The following LDLRAD4 variants were observed in gnomAD, a reference collection of about 807,000 sequenced individuals.
The protein encoded by LDLRAD4 is low density lipoprotein receptor class A domain containing 4.
LDLRAD4 carries 5 observed loss-of-function variants against 17.0 expected under a neutral mutation model. That is an observed-to-expected ratio of 0.29 (90% CI 0.15 to 0.62). The LOEUF is 0.62. LDLRAD4 is among the 20% of genes least tolerant of loss of function. The pLI is 0.84. For synonymous variants in LDLRAD4, 168 were observed against 171.8 expected, an observed-to-expected ratio of 0.98 and a Z score of 0.17; for missense variants, 340 against 424.7, an observed-to-expected ratio of 0.80 and a Z score of 1.75.
chr18:13,452,957 C>T (rs2091922922), intron 3 of LDLRAD4, among the ~76,000 whole-genome samples: 1 of 151,940 alleles, frequency 6.6e-6, no homozygotes, highest in African/African-American at 2.4e-5. Context: ...GGGGATGCTA[C>T]ATGGAATGCT....
chr18:13,552,964 T>C (rs775822897), intron 3 of LDLRAD4, among the ~76,000 whole-genome samples: 4 of 152,244 alleles, frequency 2.6e-5, no homozygotes, highest in South Asian at 4.1e-4. Context: ...TTCATTTACT[T>C]CCTTTATGAT....
Position 13,449,103 on chromosome 18 carries a change from A to T in LDLRAD4, c.181+10719A>T, listed in dbSNP as rs571201729. On this transcript the variant is annotated intron_variant, in intron 3 of 5. Transcript: ENST00000359446. ...AGAAAACAGAGATCAAAGATAAAAA[A>T]TATTTTCAAAGTAGACAATCACTGG... 2.1e-4 allele frequency among the ~76,000 whole-genome samples: 32 copies of T among 152,368 alleles called. No homozygotes were observed. The South Asian group carries it at 2.3e-3, about 11-fold the overall frequency.
At chr18:13,416,875 C>T (rs1372265705) in intron 2 of LDLRAD4, among the ~76,000 whole-genome samples, 1 of 152,164 alleles carries the variant, frequency 6.6e-6, no homozygotes, top group Admixed American at 6.5e-5. Flanking sequence ...ACTCTCTGTG[C>T]CACACTATTC....
chr18:13,631,003 G>A (rs2041613884), intron 4 of LDLRAD4, among the ~76,000 whole-genome samples: 1 of 152,336 alleles, frequency 6.6e-6, no homozygotes, highest in South Asian at 2.1e-4. Flanking sequence ...CTCTGTGTGT[G>A]TGTGGAAAGG....
At chr18:13,421,772 C>T (rs1195959962) in intron 2 of LDLRAD4, among the ~76,000 whole-genome samples, 2 of 152,200 alleles carry the variant, frequency 1.3e-5, no homozygotes, top group East Asian at 3.9e-4. Context: ...TTAGAGGAGG[C>T]AGAAATACAG....
intron 3 of LDLRAD4, among the ~76,000 whole-genome samples, chr18:13,544,723 C>T (rs946546250): frequency 2.0e-5 from 3 of 152,132 alleles, no homozygotes; most frequent in African/African-American, 4.8e-5. Flanking sequence ...TCCGAACACA[C>T]CCGTCACCTT....
At chr18:13,411,616 C>A (rs982961458) in intron 2 of LDLRAD4, among the ~76,000 whole-genome samples, 13 of 152,182 alleles carry the variant, frequency 8.5e-5, no homozygotes, top group African/African-American at 2.9e-4. Flanking sequence ...CCCCTGCACA[C>A]GCTCTCTTGC....
chr18:13,253,687 G>T lies in LDLRAD4; in HGVS notation c.-466-24418G>T, dbSNP rs573057138. Among the ~76,000 whole-genome samples, 5 of 152,220 alleles carry T rather than the reference G, an allele frequency of 3.3e-5. No homozygotes were observed. In the South Asian group the frequency reaches 8.3e-4, roughly 25 times the overall value. On this transcript the variant is annotated intron_variant, in intron 1 of 5. Transcript: ENST00000399848. ...AGTGGAATTCGGAATAATTTTTTTT[G>T]ATATTCTCTTAAAGGCACAATGATC...
chr18:13,540,033 A>T (rs1193723317), intron 3 of LDLRAD4, among the ~76,000 whole-genome samples: 2 of 152,166 alleles, frequency 1.3e-5, no homozygotes, highest in Non-Finnish European at 2.9e-5. Context: ...AGCCAGGGTC[A>T]CCCGCATGCC....
chr18:13,387,666 C>A (rs377305772), exon 2 of LDLRAD4: 33 of 1,538,096 alleles, frequency 2.1e-5, no homozygotes, highest in Non-Finnish European at 2.9e-5. Context: ...CCTCGCCCGG[C>A]GGCTTCCTCG....
rs2084333373 is a variant in LDLRAD4, at chr18:13,369,907, G to A, written c.-382-17434G>A. ...GCAACTGGAAGGGTAATTCAGCCCC[G>A]CCCTGCAGCCTGACCACGCCTGCCA... On this transcript the variant is annotated intron_variant, in intron 1 of 5. Transcript: ENST00000359446. Among the ~76,000 whole-genome samples, 6 of 152,314 alleles carry A rather than the reference G, an allele frequency of 3.9e-5. No individual in the cohort carries two copies. The South Asian group carries it at 8.3e-4, about 21-fold the overall frequency.
intron 1 of LDLRAD4, among the ~76,000 whole-genome samples, chr18:13,379,966 G>GCCCCTGCCCACCAGC (rs1555667464): frequency 8.2e-5 from 12 of 145,604 alleles, no homozygotes; most frequent in Non-Finnish European, 1.4e-4. Flanking sequence ...GCAGAGGCCT[G>GCCCCTGCCCACCAGC]CCCCTGCCCG....
At chr18:13,632,675 C>G (rs879511491) in intron 4 of LDLRAD4, among the ~76,000 whole-genome samples, 4 of 152,220 alleles carry the variant, frequency 2.6e-5, no homozygotes, top group Non-Finnish European at 5.9e-5. Flanking sequence ...AGTGGAGGGG[C>G]ATGTTTCAGC....
In LDLRAD4 at chr18:13,645,620, T is replaced by C. The variant is rs1002609298; in HGVS notation, c.884T>C (p.Ile295Thr). 1.3e-6 allele frequency: 2 copies of C among 1,523,052 alleles called. No homozygotes were observed. The highest frequency in any genetic ancestry group is 1.8e-6 in the Non-Finnish European group (2 of 1,135,576). The allele number at this position is 1,523,052 out of a possible 1,614,324, so 94.3% of individuals were successfully genotyped here. ...AATGCAGAGAGCACAATAGTACCCA[T>C]CAAAGGCAAAGATAGGAAGCCTGGG... Residue 295 changes from isoleucine to threonine, a missense_variant, in exon 6 of 6, where the codon ATC (isoleucine) becomes ACC (threonine). Physicochemically the swap from Ile to Thr is moderately conservative, Grantham distance 89. Transcript: ENST00000359446. The surrounding 1 kb of genome is among the most constrained non-coding windows in gnomAD (Gnocchi z 5.7).
chr18:13,408,906 ATACAG>A (rs1268216377), intron 2 of LDLRAD4, among the ~76,000 whole-genome samples: 1 of 151,672 alleles, frequency 6.6e-6, no homozygotes, highest in African/African-American at 2.4e-5. Context: ...TGTAAATCCC[ATACAG>A]TGAATATGGG....
chr18:13,549,520 A>G (rs995668992), intron 3 of LDLRAD4, among the ~76,000 whole-genome samples: 2 of 151,942 alleles, frequency 1.3e-5, no homozygotes, highest in African/African-American at 2.4e-5. Flanking sequence ...AGGCATTTTA[A>G]TGGGAGAACA....
At chr18:13,532,270 G>T (rs1472856635) in intron 3 of LDLRAD4, among the ~76,000 whole-genome samples, 1 of 152,342 alleles carries the variant, frequency 6.6e-6, no homozygotes, top group South Asian at 2.1e-4. Flanking sequence ...CCGACTTCTG[G>T]AGTATGTATT....
At chr18:13,377,420 T>C (rs1344897282) in intron 1 of LDLRAD4, among the ~76,000 whole-genome samples, 1 of 152,216 alleles carries the variant, frequency 6.6e-6, no homozygotes, top group Non-Finnish European at 1.5e-5. Flanking sequence ...AGGTTATCTT[T>C]TTTTAGCTCT....
At chr18:13,391,062 T>C (rs1401791926) in intron 2 of LDLRAD4, among the ~76,000 whole-genome samples, 1 of 152,150 alleles carries the variant, frequency 6.6e-6, no homozygotes, top group African/African-American at 2.4e-5. Flanking sequence ...ACTGCCTTAG[T>C]TGGGTTGCTG....
Sources: gnomAD v4.1 joint callset for allele counts (sites outside exome capture counted in the v4.1 genomes callset) on GRCh38, gnomAD v4.1.1 for gene constraint, Gnocchi (gnomAD v3.1) non-coding constraint, MANE v1.5 for transcripts, NCBI Gene and HGNC (gene_info 2026-07-23, HGNC 2026-07-21) for gene names.